Variants in RPL6 observed in about 807,000 individuals in gnomAD.
RPL6 encodes the protein ribosomal protein L6, also known as large ribosomal subunit protein eL6.
In RPL6, 1 loss-of-function variant was observed where a neutral mutation model predicts 32.1. The observed-to-expected ratio is 0.03, with a 90% CI of 0.01 to 0.15. RPL6 has a LOEUF of 0.15. Ranked by LOEUF, RPL6 falls within the 10% of genes least tolerant of loss-of-function variation. The pLI, the probability that RPL6 is intolerant of heterozygous loss-of-function variation, is 1.00. For synonymous variants in RPL6, 126 were observed against 131.6 expected (o/e 0.96, Z 0.29); for missense variants, 275 against 354.6 (o/e 0.78, Z 1.80).
At position 112,406,286 on chromosome 12, in the gene RPL6, T is replaced by G. The variant is rs377639701; in HGVS notation, c.529+8A>C. On this transcript the variant is annotated splice_region_variant and intron_variant, in intron 5 of 6. Transcript: ENST00000202773. Reference sequence around the variant, plus strand: ...TCACAGAACATCACAATCCAAGGATTTTCTTACCAGTCACAAGTAATAAGC... The same window carrying G: ...TCACAGAACATCACAATCCAAGGATGTTCTTACCAGTCACAAGTAATAAGC... 1 of 1,611,250 alleles carries G rather than the reference T, an allele frequency of 6.2e-7. No individual in the cohort carries two copies. Among genetic ancestry groups the G allele is most frequent in the African/African-American group, 1.3e-5 (1 of 74,994 alleles).
Position 112,408,672 on chromosome 12 carries a change from T to A in RPL6, c.1-16A>T. The A allele has an allele frequency of 6.4e-7, 1 of 1,556,852 alleles. No individual in the cohort carries two copies. On this transcript the variant is annotated splice_polypyrimidine_tract_variant and intron_variant, in intron 1 of 6. Transcript: ENST00000202773. Reference sequence around the variant, plus strand: ...CACCCGCCATCTAAAAATATTTTTTTGTAGATAAAAAAAGGCATTTCACCA... The same window carrying A: ...CACCCGCCATCTAAAAATATTTTTTAGTAGATAAAAAAAGGCATTTCACCA...
At chr12:112,409,639 C>G, upstream of RPL6, 1 of 396,950 alleles carries the variant, frequency 2.5e-6, no homozygotes, top group Non-Finnish European at 4.4e-6. Flanking sequence ...TATAAGCAAT[C>G]ATGGGAAGTG....
Position 112,408,469 on chromosome 12 carries a change from T to C in RPL6, c.188A>G (p.Tyr63Cys). 2 of 1,614,228 alleles carry C rather than the reference T, an allele frequency of 1.2e-6. No homozygotes were observed. The highest frequency in any genetic ancestry group is 1.7e-6 in the Non-Finnish European group (2 of 1,180,042). The change falls in exon 2 of 7, where the codon TAT becomes TGT. Residue 63 changes from tyrosine to cysteine, a missense_variant. Physicochemically the swap from Tyr to Cys is radical, Grantham distance 194. Coordinates refer to ENST00000202773, the MANE Select transcript of RPL6 (RefSeq NM_000970.6). The stretch of plus-strand genomic sequence containing the variant: ...CCTCTTGTACATGGCCTTTCTGGAA[T>C]ACATGGCAGATCGGGAATACCTGCC... ...GIGRYSRSAM[Y>C]SRKAMYKRKY... is the part of the protein sequence containing the mutation.
intron 3 of RPL6, chr12:112,407,179 T>C (rs2037197037): frequency 3.4e-6 from 1 of 297,794 alleles, no homozygotes; most frequent in South Asian, 5.0e-5. Flanking sequence ...ACCTCAGAGA[T>C]TACACGTGTG....
exon 1 of RPL6, chr12:112,418,787 C>G (rs1031665094): frequency 9.2e-5 from 41 of 444,362 alleles, no homozygotes; most frequent in African/African-American, 8.1e-4. Flanking sequence ...CGTGGCGCCT[C>G]CGCGGAGCCC....
intron 4 of RPL6, 54 bp downstream of exon 4, chr12:112,406,693 C>T: frequency 6.2e-7 from 1 of 1,603,326 alleles, no homozygotes; most frequent in African/African-American, 1.3e-5. Context: ...AACGCATTGC[C>T]ACCAGGCACC....
At chr12:112,407,074 G>A in intron 3 of RPL6, 184 bp from the exon 4 acceptor site, 3 of 572,128 alleles carry the variant, frequency 5.2e-6, no homozygotes, top group Non-Finnish European at 6.0e-6. Context: ...TGCATCCTGT[G>A]TGCAAAAAAG....
At chr12:112,418,181 T>C (rs1432247947) in intron 1 of RPL6, among the ~76,000 whole-genome samples, 1 of 151,988 alleles carries the variant, frequency 6.6e-6, no homozygotes, top group Admixed American at 6.6e-5. Context: ...GGTTTCACCA[T>C]GTTGGCCAGG....
intron 1 of RPL6, among the ~76,000 whole-genome samples, chr12:112,417,515 C>T (rs1389235102): frequency 6.8e-6 from 1 of 147,336 alleles, no homozygotes; most frequent in African/African-American, 2.5e-5. Context: ...CTTGCTCGAG[C>T]TTCACAGAGT....
At chr12:112,409,435 C>T (rs965786175) in intron 1 of RPL6, 152 bp downstream of exon 1, 7 of 398,574 alleles carry the variant, frequency 1.8e-5, no homozygotes, top group African/African-American at 1.4e-4. Flanking sequence ...GCCGCAAACC[C>T]AAACAACAAA....
chr12:112,411,511 T>G (rs1415981978), upstream of RPL6: 26 of 152,162 alleles, frequency 1.7e-4, no homozygotes, highest in Admixed American at 1.7e-3. Context: ...GTCAGCAGCT[T>G]TATTTGTTTA....
chr12:112,409,576 G>T lies in RPL6; in HGVS notation c.-1+11C>A, dbSNP rs966238533. The stretch of plus-strand genomic sequence containing the variant: ...GAACTCAAGTCTTGCAGACAGGCCC[G>T]CGATTCTTACCTTGCAAGATGGGAA... On this transcript the variant is annotated intron_variant, in intron 1 of 6. Coordinates refer to ENST00000202773, the MANE Select transcript of RPL6 (RefSeq NM_000970.6). 7.5e-6 allele frequency: 3 copies of T among 398,462 alleles called. No individual in the cohort carries two copies. The highest frequency in any genetic ancestry group is 6.2e-5 in the African/African-American group (3 of 48,610). 24.7% of individuals were successfully genotyped at this position (398,462 alleles called of 1,614,324 possible).
At chr12:112,406,179 C>T in intron 5 of RPL6, 115 bp downstream of exon 5, 1 of 1,202,286 alleles carries the variant, frequency 8.3e-7, no homozygotes, top group Non-Finnish European at 1.2e-6. Context: ...AAATGGGCCT[C>T]AGACACTTGT....
At chr12:112,407,053 A>G (rs11066286) in intron 3 of RPL6, 163 bp from the exon 4 acceptor site, 14,429 of 686,526 alleles carry the variant, frequency 0.021, 417 homozygotes, top group African/African-American at 0.11. Context: ...GGAAAAGGTC[A>G]ATTATGCTTC....
At chr12:112,412,185 G>A (rs1455689090), upstream of RPL6, among the ~76,000 whole-genome samples, 4 of 151,956 alleles carry the variant, frequency 2.6e-5, no homozygotes, top group Admixed American at 6.6e-5. Context: ...GACTACAGGC[G>A]CCCGCCACCA....
chr12:112,418,832 C>T (rs2037464100), exon 1 of RPL6: 2 of 495,964 alleles, frequency 4.0e-6, no homozygotes, highest in Non-Finnish European at 7.1e-6. Flanking sequence ...CTCGGTCCTC[C>T]GCTGACGGGA....
At chr12:112,412,454 C>T (rs535996127), upstream of RPL6, among the ~76,000 whole-genome samples, 16 of 151,740 alleles carry the variant, frequency 1.1e-4, no homozygotes, top group South Asian at 2.3e-3. Flanking sequence ...GGATTACAGG[C>T]GTGAGCCACC....
chr12:112,405,529 A>G (rs2037135239), intron 6 of RPL6, 153 bp from the exon 7 acceptor site: 2 of 790,370 alleles, frequency 2.5e-6, no homozygotes, highest in Non-Finnish European at 2.0e-6. Flanking sequence ...GAATGCTGTG[A>G]AACACAACCC....
upstream of RPL6, among the ~76,000 whole-genome samples, chr12:112,415,318 C>T (rs143404908): frequency 1.0e-3 from 155 of 152,302 alleles, no homozygotes; most frequent in African/African-American, 3.5e-3. Flanking sequence ...CCTGTAAATC[C>T]AAGGCCTTGG....
Sources: allele counts gnomAD v4.1 joint callset (sites outside exome capture counted in the v4.1 genomes callset), GRCh38; gene constraint gnomAD v4.1.1; transcripts MANE v1.5; gene names NCBI Gene and HGNC (gene_info 2026-07-23, HGNC 2026-07-21).